SGCD: variants seen among roughly 807,000 people sequenced by gnomAD.
The protein encoded by SGCD is sarcoglycan delta, also known as delta-sarcoglycan.
SGCD carries 18 observed loss-of-function variants against 36.6 expected under a neutral mutation model. The observed-to-expected ratio is 0.49, with a 90% confidence interval of 0.34 to 0.73. The LOEUF is 0.73. SGCD is among the 30% of genes least tolerant of loss of function. The probability of loss-of-function intolerance (pLI) is 0.01; values close to 1 mark genes in which losing one functional copy is unlikely to be tolerated. For missense variants in SGCD, 387 were observed against 346.7 expected (o/e 1.12, Z -0.92); for synonymous variants, 133 against 130.6 (o/e 1.02, Z -0.12).
chr5:156,079,244 G>A (rs1197141318), intron 1 of SGCD, among the ~76,000 whole-genome samples: 1 of 151,962 alleles, frequency 6.6e-6, no homozygotes, highest in Admixed American at 6.6e-5. Context: ...GAGCCACGAG[G>A]GATCTGCCCC....
intron 3 of SGCD, among the ~76,000 whole-genome samples, chr5:156,427,288 A>G (rs561765201): frequency 6.6e-6 from 1 of 152,038 alleles, no homozygotes; most frequent in African/African-American, 2.4e-5. Context: ...CCTAAGTATT[A>G]TATTTTTTGA....
chr5:156,345,836 C>T (rs530985588), intron 3 of SGCD, among the ~76,000 whole-genome samples: 1 of 152,132 alleles, frequency 6.6e-6, no homozygotes, highest in African/African-American at 2.4e-5. Context: ...TTCTAAATTA[C>T]AAAGTTCATT....
intron 1 of SGCD, among the ~76,000 whole-genome samples, chr5:156,067,675 C>T (rs959802817): frequency 2.5e-5 from 3 of 118,290 alleles, no homozygotes; most frequent in Non-Finnish European, 4.8e-5. Flanking sequence ...CTGAAAAGCG[C>T]AATATTCGGG....
intron 3 of SGCD, among the ~76,000 whole-genome samples, chr5:156,279,588 C>A (rs900563116): frequency 1.3e-5 from 2 of 152,152 alleles, no homozygotes; most frequent in African/African-American, 2.4e-5. Context: ...TCAAAAATTT[C>A]TCATAACCAC....
At chr5:155,728,372 C>T in the SGCD span, among the ~76,000 whole-genome samples, 5 of 152,198 alleles carry the variant, frequency 3.3e-5, no homozygotes, top group Non-Finnish European at 5.9e-5. Flanking sequence ...GCGGGAGCTG[C>T]GGCCGCCTTC....
At chr5:156,449,147 G>A (rs1030158109) in intron 3 of SGCD, among the ~76,000 whole-genome samples, 1 of 152,070 alleles carries the variant, frequency 6.6e-6, no homozygotes, top group African/African-American at 2.4e-5. Context: ...CTTTTTGACT[G>A]AAGTCTTCAG....
intron 7 of SGCD, among the ~76,000 whole-genome samples, chr5:156,744,637 A>C (rs1444669654): frequency 2.6e-5 from 4 of 152,208 alleles, no homozygotes; most frequent in Non-Finnish European, 5.9e-5. Context: ...CAAATGTGTA[A>C]GGACAAATTC....
At position 156,373,200 on chromosome 5, in the gene SGCD, TA is replaced by T. The variant is rs1182205937; in HGVS notation, c.192+28528del. On this transcript the variant is annotated intron_variant, in intron 3 of 8. Transcript: ENST00000337851. ...ATTTACAGAAGAGTGTAATTTTCTC[TA>T]AAAAGATATCTGTAAGGGGGAACAC... Among the ~76,000 whole-genome samples, 6 of 152,324 alleles carry T rather than the reference TA, an allele frequency of 3.9e-5. 1 individual carries two copies. In the East Asian group the frequency reaches 1.2e-3, roughly 29 times the overall value.
intron 3 of SGCD, among the ~76,000 whole-genome samples, chr5:156,286,224 T>C (rs543490635): frequency 7.1e-4 from 108 of 152,308 alleles, no homozygotes; most frequent in African/African-American, 2.5e-3. Context: ...ATACTGTTGA[T>C]GGGACTGTAA....
chr5:155,800,074 C>T, the SGCD span, among the ~76,000 whole-genome samples: 1 of 152,096 alleles, frequency 6.6e-6, no homozygotes, highest in Non-Finnish European at 1.5e-5. Flanking sequence ...CTGCCTTGGG[C>T]TCTCAAAGTG....
intron 1 of SGCD, among the ~76,000 whole-genome samples, chr5:156,053,145 G>A (rs190596930): frequency 6.8e-6 from 1 of 146,754 alleles, no homozygotes; most frequent in Non-Finnish European, 1.5e-5. Flanking sequence ...GGCACTGCCA[G>A]TTGGGGCATT....
chr5:156,056,229 C>A (rs1760051878), intron 1 of SGCD, among the ~76,000 whole-genome samples: 1 of 145,826 alleles, frequency 6.9e-6, no homozygotes, highest in African/African-American at 2.5e-5. Context: ...GTAGGCTGAA[C>A]TAACTTTGGG....
At chr5:156,213,699 G>A (rs866639885) in intron 3 of SGCD, among the ~76,000 whole-genome samples, 2 of 151,928 alleles carry the variant, frequency 1.3e-5, no homozygotes, top group African/African-American at 4.8e-5. Context: ...TCCCTAATTA[G>A]GATTAATGCA....
chr5:156,656,049 G>T (rs1208635614), intron 7 of SGCD, among the ~76,000 whole-genome samples: 1 of 152,038 alleles, frequency 6.6e-6, no homozygotes, highest in Non-Finnish European at 1.5e-5. Context: ...TCTTTCTCAG[G>T]TACATGCCAC....
At chr5:156,621,813 A>G (rs1217235643) in intron 6 of SGCD, among the ~76,000 whole-genome samples, 1 of 152,232 alleles carries the variant, frequency 6.6e-6, no homozygotes, top group Non-Finnish European at 1.5e-5. Context: ...TCTTTATTTT[A>G]ATAGCTGACA....
At chr5:156,257,121 C>A (rs1765733941) in intron 3 of SGCD, among the ~76,000 whole-genome samples, 1 of 151,864 alleles carries the variant, frequency 6.6e-6, no homozygotes, top group Non-Finnish European at 1.5e-5. Context: ...TCAAGGCTTG[C>A]AGTGAGCCCA....
At chr5:156,595,180 A>G in intron 6 of SGCD, 129 bp downstream of exon 6, 1 of 1,120,520 alleles carries the variant, frequency 8.9e-7, no homozygotes, top group Admixed American at 2.6e-5. Flanking sequence ...TCCCAAGATA[A>G]TGGTATTAGG....
the SGCD span, among the ~76,000 whole-genome samples, chr5:155,794,972 A>G: frequency 1.3e-5 from 2 of 152,174 alleles, no homozygotes; most frequent in African/African-American, 2.4e-5. Context: ...CTTATTTTCA[A>G]AAGTGCTACA....
intron 3 of SGCD, among the ~76,000 whole-genome samples, chr5:156,148,512 A>G (rs1402999121): frequency 6.6e-6 from 1 of 152,062 alleles, no homozygotes; most frequent in Non-Finnish European, 1.5e-5. Context: ...CTTAAAATTG[A>G]CTTCTGTTGA....
Sources: allele counts gnomAD v4.1 joint callset (sites outside exome capture counted in the v4.1 genomes callset), GRCh38; gene constraint gnomAD v4.1.1; transcripts MANE v1.5; gene names NCBI Gene and HGNC (gene_info 2026-07-23, HGNC 2026-07-21).